Variants in ALDH1A2 observed in about 807,000 individuals in gnomAD.
ALDH1A2 encodes the protein aldehyde dehydrogenase 1 family member A2.
ALDH1A2 carries 27 observed loss-of-function variants against 60.3 expected under a neutral mutation model. The observed-to-expected ratio is 0.45, with a 90% confidence interval of 0.33 to 0.62. The LOEUF (loss-of-function observed/expected upper bound fraction) is 0.62, where lower values mean the gene tolerates loss of function less well. ALDH1A2 is among the 20% of genes least tolerant of loss of function. The pLI is 0.02. For missense variants in ALDH1A2, 581 were observed against 643.8 expected, an observed-to-expected ratio of 0.90 and a Z score of 1.06; for synonymous variants, 289 against 232.4, an observed-to-expected ratio of 1.24 and a Z score of -2.21.
chr15:58,021,289 T>A (rs1391210098), intron 1 of ALDH1A2, among the ~76,000 whole-genome samples: 1 of 152,164 alleles, frequency 6.6e-6, no homozygotes, highest in African/African-American at 2.4e-5. Context: ...ACCAGAACAG[T>A]ATATAGACAG....
chr15:58,040,463 C>T (rs1896489433), intron 1 of ALDH1A2, among the ~76,000 whole-genome samples: 1 of 151,854 alleles, frequency 6.6e-6, no homozygotes. Flanking sequence ...TATGAGGGGC[C>T]CACTATGTAC....
intron 7 of ALDH1A2, among the ~76,000 whole-genome samples, chr15:57,969,711 A>G (rs1350194232): frequency 3.9e-5 from 6 of 152,242 alleles, no homozygotes; most frequent in Admixed American, 6.5e-5. Flanking sequence ...TTGAGAAATT[A>G]AATCCTGTAT....
chr15:58,061,615 A>AC, intron 1 of ALDH1A2, among the ~76,000 whole-genome samples: 1 of 146,116 alleles, frequency 6.8e-6, no homozygotes, highest in South Asian at 2.2e-4. Context: ...AAAAACAAAA[A>AC]AAAAAAAAAA....
Position 58,043,614 on chromosome 15 carries a change from C to T in ALDH1A2, c.117+21920G>A, listed in dbSNP as rs116108927. Among the ~76,000 whole-genome samples, 163 of 152,072 alleles carry T rather than the reference C, an allele frequency of 1.1e-3. 1 individual carries two copies. Among genetic ancestry groups the T allele is most frequent in the African/African-American group, 3.9e-3 (163 of 41,530 alleles). On this transcript the variant is annotated intron_variant, in intron 1 of 12. Transcript: ENST00000249750. ...AATATTTTAACACACAATGAATATA[C>T]TACAAAGACATCATTTGAAACGGTG...
intron 4 of ALDH1A2, among the ~76,000 whole-genome samples, chr15:58,004,837 A>C (rs1038146887): frequency 2.7e-5 from 4 of 150,420 alleles, no homozygotes; most frequent in Admixed American, 2.0e-4. Context: ...AGGAGGTGAA[A>C]GATCTCTACA....
chr15:57,976,787 C>T (rs759978010), intron 7 of ALDH1A2, among the ~76,000 whole-genome samples: 22 of 152,084 alleles, frequency 1.4e-4, no homozygotes, highest in African/African-American at 4.3e-4. Flanking sequence ...CCCAGTAATG[C>T]GATTGTTGGG....
intron 1 of ALDH1A2, among the ~76,000 whole-genome samples, chr15:58,063,776 C>T (rs928688716): frequency 6.6e-6 from 1 of 152,182 alleles, no homozygotes. Context: ...AATCAAGTTA[C>T]AATCCATTAT....
At chr15:58,054,187 C>T (rs1310814546) in intron 1 of ALDH1A2, among the ~76,000 whole-genome samples, 6 of 151,950 alleles carry the variant, frequency 3.9e-5, no homozygotes, top group African/African-American at 1.5e-4. Context: ...TTATCAAGTG[C>T]CTGTCCTAAG....
Position 57,962,162 on chromosome 15 carries a change from C to T in ALDH1A2, c.1101G>A (p.Gln367=), listed in dbSNP as rs745635818. Residue 367 remains glutamine, a synonymous_variant, in exon 10 of 13, where the codon CAG becomes CAA. Coordinates refer to ENST00000249750, the MANE Select transcript of ALDH1A2 (RefSeq NM_003888.4). ...GGATGAGTTCCAAGATCTTGTTGTA[C>T]TGTTTCTTATCAATCTGTGGGAGAC... ...TEQGPQIDKK[Q]YNKILELIQS... is the part of the protein sequence containing the mutation. 2 of 1,614,130 alleles carry T rather than the reference C, an allele frequency of 1.2e-6. No homozygotes were observed. The highest frequency in any genetic ancestry group is 1.7e-6 in the Non-Finnish European group (2 of 1,179,998).
At position 57,954,881 on chromosome 15, in the gene ALDH1A2, T is replaced by G. The variant is rs1227774158; in HGVS notation, c.*316A>C. ...AGGAAAGTTCTTTGTGACAAAGACATGAAATAATACAGCTCCCTTATTTCA... is the reference window on the plus strand; with the variant it reads ...AGGAAAGTTCTTTGTGACAAAGACAGGAAATAATACAGCTCCCTTATTTCA... On this transcript the variant is annotated 3_prime_UTR_variant, in exon 13 of 13. Transcript: ENST00000249750. 2.5e-6 allele frequency: 1 copy of G among 399,488 alleles called. No homozygotes were observed. The highest frequency in any genetic ancestry group is 4.7e-6 in the Non-Finnish European group (1 of 213,872). The allele number at this position is 399,488 out of a possible 1,614,324, so 24.7% of individuals were successfully genotyped here.
intron 1 of ALDH1A2, among the ~76,000 whole-genome samples, chr15:58,054,669 T>A (rs1416794964): frequency 6.6e-6 from 1 of 152,076 alleles, no homozygotes; most frequent in African/African-American, 2.4e-5. Context: ...TTAGAAAGAA[T>A]GTAAAATATA....
intron 1 of ALDH1A2, among the ~76,000 whole-genome samples, chr15:58,056,772 A>G (rs1338844928): frequency 1.3e-5 from 2 of 152,166 alleles, no homozygotes; most frequent in African/African-American, 2.4e-5. Context: ...CAAACGGCCA[A>G]CATGAAACGA....
At chr15:57,996,657 C>G (rs1410357597) in intron 4 of ALDH1A2, among the ~76,000 whole-genome samples, 1 of 151,894 alleles carries the variant, frequency 6.6e-6, no homozygotes, top group Non-Finnish European at 1.5e-5. Flanking sequence ...GCTGCAAAGA[C>G]TATCATTACA....
intron 1 of ALDH1A2, among the ~76,000 whole-genome samples, chr15:58,015,749 C>G (rs2140520907): frequency 6.6e-6 from 1 of 152,262 alleles, no homozygotes; most frequent in South Asian, 2.1e-4. Context: ...GAAGCAGGTT[C>G]TTGTTGTGGC....
intron 7 of ALDH1A2, among the ~76,000 whole-genome samples, chr15:57,976,994 T>G (rs947594051): frequency 6.6e-6 from 1 of 152,330 alleles, no homozygotes; most frequent in South Asian, 2.1e-4. Flanking sequence ...GGTTTTGATT[T>G]GCATTTCTCT....
At chr15:58,060,664 G>T (rs559008482) in intron 1 of ALDH1A2, among the ~76,000 whole-genome samples, 1 of 151,946 alleles carries the variant, frequency 6.6e-6, no homozygotes, top group East Asian at 1.9e-4. Flanking sequence ...CTAAAATGTG[G>T]GCTATATGGT....
chr15:57,987,015 A>G (rs1894726104), intron 7 of ALDH1A2, among the ~76,000 whole-genome samples: 1 of 152,178 alleles, frequency 6.6e-6, no homozygotes, highest in Admixed American at 6.5e-5. Context: ...GGGTGTAGCG[A>G]GGAAGAAAAT....
intron 11 of ALDH1A2, 32 bp from the exon 12 acceptor site, chr15:57,960,876 G>A (rs879357298): frequency 3.8e-6 from 6 of 1,589,758 alleles, no homozygotes; most frequent in South Asian, 1.1e-5. Context: ...CTGTGAGTTC[G>A]TGTGAAGTCT....
chr15:58,040,289 A>G (rs1340738357), intron 1 of ALDH1A2, among the ~76,000 whole-genome samples: 2 of 151,900 alleles, frequency 1.3e-5, no homozygotes, highest in African/African-American at 4.8e-5. Context: ...TGATAAGTAC[A>G]TTCTTTCTCA....
Sources: allele counts gnomAD v4.1 joint callset (sites outside exome capture counted in the v4.1 genomes callset), GRCh38; gene constraint gnomAD v4.1.1; transcripts MANE v1.5; gene names NCBI Gene and HGNC (gene_info 2026-07-23, HGNC 2026-07-21).